Variants in CLRN3 observed in about 807,000 individuals in gnomAD.
CLRN3 encodes clarin 3, also known as clarin-3.
A neutral mutation model predicts 16.7 loss-of-function variants in CLRN3; 12 were observed. That is an observed-to-expected ratio of 0.72 (90% CI 0.46 to 1.16). CLRN3 has a LOEUF of 1.16. Ranked by LOEUF, CLRN3 falls within the 50% of genes most tolerant of loss-of-function variation. The pLI, the probability that CLRN3 is intolerant of heterozygous loss-of-function variation, is 0.00. For synonymous variants in CLRN3, 118 were observed against 113.0 expected (o/e 1.04, Z -0.28); for missense variants, 296 against 274.2 (o/e 1.08, Z -0.56).
chr10:127,889,869 T>C (rs1267432635), intron 1 of CLRN3, among the ~76,000 whole-genome samples: 1 of 152,196 alleles, frequency 6.6e-6, no homozygotes, highest in Non-Finnish European at 1.5e-5. Flanking sequence ...AGGAATGACT[T>C]CTTTTTACAT....
Position 127,892,817 on chromosome 10 carries a change from A to T in CLRN3, c.-33T>A. On this transcript the variant is annotated 5_prime_UTR_variant, in exon 1 of 3. Coordinates refer to ENST00000368671, the MANE Select transcript of CLRN3 (RefSeq NM_152311.5). ...GGAAAATAAGTTCTCTAGGACAAAA[A>T]AAGGAATATCTTCTTATAACACTTT... The T allele has an allele frequency of 7.8e-7, 1 of 1,280,470 alleles. No homozygotes were observed. Among genetic ancestry groups the T allele is most frequent in the South Asian group, 1.2e-5 (1 of 83,278 alleles). The allele number at this position is 1,280,470 out of a possible 1,614,324, so 79.3% of individuals were successfully genotyped here.
Position 127,878,171 on chromosome 10 carries a change from G to C in CLRN3, c.659C>G (p.Pro220Arg). ...QEQRKPMEYAPRDGILF is the reference protein window; with the variant it reads ...QEQRKPMEYARRDGILF Reference sequence around the variant, plus strand: ...AATTCAGAATAAAATTCCGTCCCTTGGAGCATATTCCATTGGCTTTCTCTG... The same window carrying C: ...AATTCAGAATAAAATTCCGTCCCTTCGAGCATATTCCATTGGCTTTCTCTG... Residue 220 changes from proline to arginine, a missense_variant, in exon 3 of 3, where the codon CCA becomes CGA. By Grantham distance (103) the Pro-to-Arg change is moderately radical. Coordinates refer to ENST00000368671, the MANE Select transcript of CLRN3 (RefSeq NM_152311.5). 1 of 1,613,184 alleles carries C rather than the reference G, an allele frequency of 6.2e-7. No individual in the cohort carries two copies. Among genetic ancestry groups the C allele is most frequent in the African/African-American group, 1.3e-5 (1 of 75,022 alleles).
intron 1 of CLRN3, among the ~76,000 whole-genome samples, chr10:127,888,792 C>A (rs780355734): frequency 6.6e-6 from 1 of 152,148 alleles, no homozygotes; most frequent in African/African-American, 2.4e-5. Flanking sequence ...TAATTTCAAG[C>A]AGGCCACATC....
At chr10:127,885,167 C>T (rs1182463665) in intron 1 of CLRN3, among the ~76,000 whole-genome samples, 1 of 152,116 alleles carries the variant, frequency 6.6e-6, no homozygotes, top group Non-Finnish European at 1.5e-5. Context: ...CATATGCCCA[C>T]GGGTCGAAGG....
At chr10:127,892,354 T>C (rs1845266800) in intron 1 of CLRN3, among the ~76,000 whole-genome samples, 1 of 152,242 alleles carries the variant, frequency 6.6e-6, no homozygotes. Context: ...TATAGACTAT[T>C]GTATTAATAG....
At chr10:127,889,711 G>A (rs76114116) in intron 1 of CLRN3, among the ~76,000 whole-genome samples, 21,056 of 152,238 alleles carry the variant, frequency 0.14, 1,598 homozygotes, top group Admixed American at 0.23. Context: ...TCTGGTCAGT[G>A]CGTAGGCTGA....
chr10:127,882,590 C>T (rs1464882642), intron 2 of CLRN3, among the ~76,000 whole-genome samples: 2 of 152,202 alleles, frequency 1.3e-5, no homozygotes, highest in African/African-American at 4.8e-5. Flanking sequence ...CACACCTCTA[C>T]TCCATGACAT....
At chr10:127,891,607 C>T (rs1289111253) in intron 1 of CLRN3, among the ~76,000 whole-genome samples, 1 of 152,160 alleles carries the variant, frequency 6.6e-6, no homozygotes, top group Non-Finnish European at 1.5e-5. Flanking sequence ...AACCAGGTTG[C>T]TTTGGATTTA....
At chr10:127,883,125 C>A (rs905164875) in intron 2 of CLRN3, among the ~76,000 whole-genome samples, 7 of 152,128 alleles carry the variant, frequency 4.6e-5, no homozygotes, top group African/African-American at 1.7e-4. Context: ...AGGTAGCCCA[C>A]AAAAAAGGTA....
At chr10:127,885,047 A>G (rs2135081662) in intron 1 of CLRN3, among the ~76,000 whole-genome samples, 1 of 152,328 alleles carries the variant, frequency 6.6e-6, no homozygotes, top group South Asian at 2.1e-4. Flanking sequence ...GTCTCCAGGG[A>G]GAGAGCCTTG....
At chr10:127,878,837 T>G (rs893793001) in intron 2 of CLRN3, among the ~76,000 whole-genome samples, 1 of 152,072 alleles carries the variant, frequency 6.6e-6, no homozygotes, top group Non-Finnish European at 1.5e-5. Flanking sequence ...AAAAAGACCC[T>G]GGGTGGGCAG....
intron 1 of CLRN3, among the ~76,000 whole-genome samples, chr10:127,891,047 T>C (rs1434761356): frequency 3.3e-5 from 5 of 152,134 alleles, no homozygotes; most frequent in African/African-American, 1.2e-4. Context: ...AGACTTAAAG[T>C]AGAGATCCAG....
At chr10:127,882,318 C>G (rs1845137077) in intron 2 of CLRN3, among the ~76,000 whole-genome samples, 1 of 152,208 alleles carries the variant, frequency 6.6e-6, no homozygotes, top group African/African-American at 2.4e-5. Flanking sequence ...ACCCCAAATC[C>G]TTAGAGCTGA....
At chr10:127,878,632 A>G (rs1845089941) in intron 2 of CLRN3, among the ~76,000 whole-genome samples, 1 of 152,244 alleles carries the variant, frequency 6.6e-6, no homozygotes, top group Non-Finnish European at 1.5e-5. Flanking sequence ...TGTATGACCA[A>G]TAGTGAATGT....
At chr10:127,880,896 A>G (rs1358861909) in intron 2 of CLRN3, among the ~76,000 whole-genome samples, 2 of 152,136 alleles carry the variant, frequency 1.3e-5, no homozygotes, top group African/African-American at 4.8e-5. Context: ...GCCATGACCC[A>G]AGGCAAGAAT....
chr10:127,887,203 A>C (rs1472370945), intron 1 of CLRN3, among the ~76,000 whole-genome samples: 1 of 152,212 alleles, frequency 6.6e-6, no homozygotes, highest in Non-Finnish European at 1.5e-5. Context: ...TCAGGGGGAC[A>C]GATCAGAGGC....
rs773339159 is a variant in CLRN3, at chr10:127,878,454, G to A, written c.410-34C>T. ...AAGATGGAGTTTCATGCATGGCATG[G>A]TGATACAGTTTTTAATGTCACTTAT... On this transcript the variant is annotated intron_variant, in intron 2 of 2. Coordinates refer to ENST00000368671, the MANE Select transcript of CLRN3 (RefSeq NM_152311.5). 2.5e-6 allele frequency: 4 copies of A among 1,609,862 alleles called. No homozygotes were observed. The South Asian group carries it at 3.3e-5, about 13-fold the overall frequency.
At chr10:127,891,278 G>A (rs1183269734) in intron 1 of CLRN3, among the ~76,000 whole-genome samples, 1 of 152,192 alleles carries the variant, frequency 6.6e-6, no homozygotes, top group Non-Finnish European at 1.5e-5. Flanking sequence ...TTTCTTTGAA[G>A]CCATTTATCT....
intron 1 of CLRN3, among the ~76,000 whole-genome samples, chr10:127,889,321 CAAAAA>C (rs1016744020): frequency 2.6e-5 from 4 of 151,282 alleles, no homozygotes; most frequent in African/African-American, 7.3e-5. Flanking sequence ...GACGCTGTCT[CAAAAA>C]AGAAAAGAAA....
Sources: allele counts gnomAD v4.1 joint callset (sites outside exome capture counted in the v4.1 genomes callset), GRCh38; gene constraint gnomAD v4.1.1; transcripts MANE v1.5; gene names NCBI Gene and HGNC (gene_info 2026-07-23, HGNC 2026-07-21).